The following PLIN4 variants were observed in gnomAD, a reference collection of about 807,000 sequenced individuals.
PLIN4 encodes the protein perilipin 4, also known as perilipin-4.
PLIN4 carries 57 observed loss-of-function variants against 52.4 expected under a neutral mutation model. The ratio of observed to expected loss-of-function variants is 1.09; its 90% CI spans 0.88 to 1.36. The LOEUF is 1.36. PLIN4 is among the 40% of genes most tolerant of loss of function. The pLI, the probability that PLIN4 is intolerant of heterozygous loss-of-function variation, is 0.00. For synonymous variants in PLIN4, 826 were observed against 785.4 expected, an observed-to-expected ratio of 1.05 and a Z score of -0.86; for missense variants, 1,757 against 1,770.3, an observed-to-expected ratio of 0.99 and a Z score of 0.13.
At chr19:4,506,319 G>T (rs1241048493) in intron 6 of PLIN4, among the ~76,000 whole-genome samples, 1 of 152,102 alleles carries the variant, frequency 6.6e-6, no homozygotes, top group Non-Finnish European at 1.5e-5. Flanking sequence ...CCTTTGCACG[G>T]GCCGTGCCCT....
chr19:4,517,426 G>A (rs1400822672), intron 3 of PLIN4, 128 bp downstream of exon 3: 9 of 1,240,096 alleles, frequency 7.3e-6, no homozygotes, highest in Non-Finnish European at 9.8e-6. Context: ...ATGTCCTAGT[G>A]TCTGATGAGA....
chr19:4,514,404 T>C lies in PLIN4; in HGVS notation c.259-703A>G, dbSNP rs535470395. Reference sequence around the variant, plus strand: ...TTGAGGCAATAGTGAGATATGATCGTACCACTGTACTCCAGCCTGGGCAAC... The same window carrying C: ...TTGAGGCAATAGTGAGATATGATCGCACCACTGTACTCCAGCCTGGGCAAC... On this transcript the variant is annotated intron_variant, in intron 4 of 7. Coordinates refer to ENST00000301286, the MANE Select transcript of PLIN4 (RefSeq NM_001367868.2). Among the ~76,000 whole-genome samples the C allele has an allele frequency of 6.6e-5, 10 of 152,102 alleles. No individual in the cohort carries two copies. The Middle Eastern group carries it at 0.01, about 155-fold the overall frequency.
chr19:4,509,482 G>A (rs930644583), intron 5 of PLIN4, among the ~76,000 whole-genome samples: 3 of 151,272 alleles, frequency 2.0e-5, no homozygotes, highest in South Asian at 2.1e-4. Flanking sequence ...ATAATTAGCC[G>A]GGTGTGGTGG....
intron 5 of PLIN4, 49 bp from the exon 6 acceptor site, chr19:4,509,004 A>C: frequency 6.5e-7 from 1 of 1,536,858 alleles, no homozygotes; most frequent in Non-Finnish European, 8.8e-7. Context: ...TCAGGGCATC[A>C]GGGCTTTATA....
At position 4,513,354 on chromosome 19, in the gene PLIN4, T is replaced by C. The variant is rs1409913403; in HGVS notation, c.606A>G (p.Lys202=). 1.2e-6 allele frequency: 2 copies of C among 1,606,092 alleles called. No homozygotes were observed. Among genetic ancestry groups the C allele is most frequent in the East Asian group, 2.2e-5 (1 of 44,474 alleles). Residue 202 remains lysine, a synonymous_variant, in exon 5 of 8, where the codon AAA becomes AAG. Transcript: ENST00000301286. ...CCATGACCCCAGTAGTCACTGTGTC[T>C]TTGGTGCCGGTCAGCACAGTCTTGG... The part of the protein sequence containing the change: ...DTTKTVLTGT[K]DTVTTGVMGA...
intron 6 of PLIN4, among the ~76,000 whole-genome samples, chr19:4,506,316 A>T (rs779003887): frequency 7.9e-5 from 12 of 152,024 alleles, no homozygotes; most frequent in Non-Finnish European, 1.6e-4. Context: ...GGGCCTTTGC[A>T]CGGGCCGTGC....
At chr19:4,508,987 A>G in intron 5 of PLIN4, 32 bp from the exon 6 acceptor site, 1 of 1,589,102 alleles carries the variant, frequency 6.3e-7, no homozygotes, top group Non-Finnish European at 8.6e-7. Flanking sequence ...TCAGTCCCGG[A>G]AGCCCCTCAG....
Position 4,511,052 on chromosome 19 carries a change from C to G in PLIN4, c.2908G>C (p.Gly970Arg), listed in dbSNP as rs1228393248. The change falls in exon 5 of 8, where the codon GGG becomes CGG. Residue 970 changes from glycine to arginine, a missense_variant. Physicochemically the swap from Gly to Arg is moderately radical, Grantham distance 125 (BLOSUM62 -2). Coordinates refer to ENST00000301286, the MANE Select transcript of PLIN4 (RefSeq NM_001367868.2). Reference protein sequence around the residue: ...AKDAVTTGVTGAVNVAKGTVQ... With the variant: ...AKDAVTTGVTRAVNVAKGTVQ... The stretch of plus-strand genomic sequence containing the variant: ...GTTCCTTTGGCCACATTCACTGCCC[C>G]CGTGACTCCAGTAGTCACTGCATCC... 3 of 1,613,546 alleles carry G rather than the reference C, an allele frequency of 1.9e-6. No homozygotes were observed.
intron 6 of PLIN4, among the ~76,000 whole-genome samples, chr19:4,507,751 A>G (rs1286956561): frequency 2.0e-5 from 3 of 151,918 alleles, no homozygotes; most frequent in African/African-American, 7.3e-5. Context: ...CGGGCTGCAC[A>G]ACAGCTTCTA....
chr19:4,518,129 A>T lies in PLIN4; in HGVS notation c.51+93T>A, dbSNP rs1229761105. 2.7e-6 allele frequency: 3 copies of T among 1,092,312 alleles called. No homozygotes were observed. In the East Asian group the frequency reaches 9.6e-5, roughly 35 times the overall value. The allele number at this position is 1,092,312 out of a possible 1,614,324, so 67.7% of individuals were successfully genotyped here. Reference sequence around the variant, plus strand: ...CAGCCCACCAGGGAAGCACCTCTCCAGATTCGAGACCCCAGGACTGTGGAG... The same window carrying T: ...CAGCCCACCAGGGAAGCACCTCTCCTGATTCGAGACCCCAGGACTGTGGAG... On this transcript the variant is annotated intron_variant, in intron 2 of 7. Coordinates refer to ENST00000301286, the MANE Select transcript of PLIN4 (RefSeq NM_001367868.2).
At position 4,517,555 on chromosome 19, in the gene PLIN4, C is replaced by A; in HGVS notation, c.195G>T (p.Gln65His). Residue 65 changes from glutamine to histidine, a missense_variant and splice_region_variant, in exon 3 of 8, where the codon CAG becomes CAT. Physicochemically the swap from Gln to His is conservative, Grantham distance 24 (BLOSUM62 0). Coordinates refer to ENST00000301286, the MANE Select transcript of PLIN4 (RefSeq NM_001367868.2). ...CCCCCAGCTGGGCCAGCCACTCACC[C>A]TGAGCCTGTGGTTGGGCAGCCTCGG... ...PAAEAAQPQA[Q>H]VAAHPEQTAP... The A allele has an allele frequency of 1.9e-6, 3 of 1,608,388 alleles. No homozygotes were observed. Among genetic ancestry groups the A allele is most frequent in the Non-Finnish European group, 2.5e-6 (3 of 1,177,950 alleles).
chr19:4,517,959 G>A (rs1030289430), intron 2 of PLIN4, among the ~76,000 whole-genome samples: 9 of 152,202 alleles, frequency 5.9e-5, no homozygotes, highest in African/African-American at 1.9e-4. Flanking sequence ...GCACAGATGG[G>A]GAAACTGAGG....
chr19:4,517,454 G>A, intron 3 of PLIN4, 100 bp downstream of exon 3: 1 of 1,407,236 alleles, frequency 7.1e-7, no homozygotes, highest in South Asian at 1.4e-5. Flanking sequence ...GACAAATATG[G>A]AGGACTCCCC....
intron 5 of PLIN4, among the ~76,000 whole-genome samples, chr19:4,509,571 T>A (rs1976222387): frequency 6.6e-6 from 1 of 151,844 alleles, no homozygotes; most frequent in South Asian, 2.1e-4. Flanking sequence ...GGTTGCAGTG[T>A]GCTGACACTG....
intron 6 of PLIN4, 57 bp from the exon 7 acceptor site, chr19:4,505,004 C>T: frequency 6.9e-7 from 1 of 1,449,642 alleles, no homozygotes; most frequent in Non-Finnish European, 9.4e-7. Context: ...CCTTTCACAA[C>T]CCCCACCTCC....
rs756286934 is a variant in PLIN4 at position 4,513,379 on chromosome 19, G to A, written c.581C>T (p.Thr194Ile). 10 of 1,607,138 alleles carry A rather than the reference G, an allele frequency of 6.2e-6. No individual in the cohort carries two copies. The highest frequency in any genetic ancestry group is 8.5e-6 in the Non-Finnish European group (10 of 1,177,326). ...TTTGGTGCCGGTCAGCACAGTCTTG[G>A]TGGTGTCCACACCGGCCTGTACGGT... ...KGTVQAGVDTTKTVLTGTKDT... is the reference protein window; with the variant it reads ...KGTVQAGVDTIKTVLTGTKDT... Residue 194 changes from threonine to isoleucine, a missense_variant, in exon 5 of 8, where the codon ACC becomes ATC. Around this residue, in one of 7 missense-constraint regions of PLIN4, gnomAD observed 332 missense variants for 310.8 expected, o/e 1.07. Transcript: ENST00000301286.
In PLIN4 at chr19:4,517,606, G is replaced by A. The variant is rs7250771; in HGVS notation, c.144C>T (p.Ala48=). 1.8e-3 allele frequency: 2,835 copies of A among 1,610,700 alleles called. 47 individuals carry two copies. The African/African-American group carries it at 0.03, about 17-fold the overall frequency. Residue 48 remains alanine, a synonymous_variant, in exon 3 of 8, where the codon GCC becomes GCT. Coordinates refer to ENST00000301286, the MANE Select transcript of PLIN4 (RefSeq NM_001367868.2). The part of the protein sequence containing the change: ...NAHSSARARP[A]ADPTGAPAAE... ...CAGCAGGCGCTCCTGTGGGGTCAGCGGCCGGCCGGGCTCTCGCCGAGCTAT... is the reference window on the plus strand; with the variant it reads ...CAGCAGGCGCTCCTGTGGGGTCAGCAGCCGGCCGGGCTCTCGCCGAGCTAT...
At chr19:4,507,314 G>C (rs947983935) in intron 6 of PLIN4, among the ~76,000 whole-genome samples, 4 of 152,356 alleles carry the variant, frequency 2.6e-5, no homozygotes, top group Middle Eastern at 3.4e-3. Context: ...GCTCACGCCT[G>C]TCATCCCAGC....
chr19:4,513,194 C>T lies in PLIN4; in HGVS notation c.766G>A (p.Gly256Ser), dbSNP rs768859297. The T allele has an allele frequency of 4.3e-6, 7 of 1,613,690 alleles. No homozygotes were observed. Among genetic ancestry groups the T allele is most frequent in the East Asian group, 2.2e-5 (1 of 44,898 alleles). The change falls in exon 5 of 8, where the codon GGT becomes AGT. Residue 256 changes from glycine (G) to serine (S), a missense_variant. Around this residue, in one of 7 missense-constraint regions of PLIN4, gnomAD observed 99 missense variants for 143.4 expected, o/e 0.69. Transcript: ENST00000301286. ...AGGACAGTCTTACTGGTGTCCACAC[C>T]GGTCTGAATGCTTCCTCTGGCCACA... ...VNVARGSIQT[G>S]VDTSKTVLTG...
Sources: allele counts gnomAD v4.1 joint callset (sites outside exome capture counted in the v4.1 genomes callset), GRCh38; gene constraint gnomAD v4.1.1; regional missense constraint gnomAD v4.1.1; transcripts MANE v1.5; gene names NCBI Gene and HGNC (gene_info 2026-07-23, HGNC 2026-07-21).